TMEM132C: variants seen among roughly 807,000 people sequenced by gnomAD.
TMEM132C encodes protein phosphatase 1, regulatory subunit 152.
TMEM132C carries 29 observed loss-of-function variants against 61.4 expected under a neutral mutation model. That is an observed-to-expected ratio of 0.47 (90% CI 0.35 to 0.64). TMEM132C has a LOEUF of 0.64. TMEM132C is among the 30% of genes least tolerant of loss of function. The pLI is 0.00. For synonymous variants in TMEM132C, 656 were observed against 633.1 expected (o/e 1.04, Z -0.54); for missense variants, 1,408 against 1,476.9 (o/e 0.95, Z 0.76).
chr12:128,561,420 C>T (rs988187736), intron 3 of TMEM132C, among the ~76,000 whole-genome samples: 4 of 152,198 alleles, frequency 2.6e-5, no homozygotes, highest in Admixed American at 6.5e-5. Flanking sequence ...AGTCTTCACA[C>T]GCTGCCTTCT....
chr12:128,329,873 G>C (rs1261701692), intron 1 of TMEM132C, among the ~76,000 whole-genome samples: 1 of 152,188 alleles, frequency 6.6e-6, no homozygotes, highest in Admixed American at 6.5e-5. Context: ...CATTAAAGGT[G>C]CTGAGGTTCG....
intron 8 of TMEM132C, among the ~76,000 whole-genome samples, chr12:128,704,330 A>G (rs897969676): frequency 6.6e-6 from 1 of 152,172 alleles, no homozygotes; most frequent in African/African-American, 2.4e-5. Flanking sequence ...TGAGTCTGCA[A>G]AATAAACTCA....
chr12:128,465,677 C>T (rs967523860), intron 2 of TMEM132C, among the ~76,000 whole-genome samples: 2 of 152,238 alleles, frequency 1.3e-5, no homozygotes, highest in Admixed American at 6.5e-5. Flanking sequence ...CCTGCCCTCA[C>T]GAGCACTGGA....
intron 1 of TMEM132C, among the ~76,000 whole-genome samples, chr12:128,414,231 A>T (rs778852979): frequency 1.3e-5 from 2 of 152,170 alleles, no homozygotes; most frequent in Non-Finnish European, 2.9e-5. Context: ...TATTAAAAAA[A>T]ATATTATAAA....
At chr12:128,506,721 C>T (rs1872376358) in intron 2 of TMEM132C, among the ~76,000 whole-genome samples, 1 of 152,152 alleles carries the variant, frequency 6.6e-6, no homozygotes, top group Admixed American at 6.5e-5. Flanking sequence ...CCAGTGGCTC[C>T]CATGCTCCTG....
At chr12:128,418,934 C>T (rs947955412) in intron 2 of TMEM132C, among the ~76,000 whole-genome samples, 3 of 152,040 alleles carry the variant, frequency 2.0e-5, no homozygotes, top group Admixed American at 1.3e-4. Flanking sequence ...CAGAGAACTT[C>T]CTTCCTGTGC....
intron 2 of TMEM132C, among the ~76,000 whole-genome samples, chr12:128,445,048 CAATT>C (rs1478164903): frequency 3.3e-5 from 5 of 152,114 alleles, no homozygotes; most frequent in Non-Finnish European, 7.4e-5. Context: ...AAATAAAAAA[CAATT>C]AAGAGTTAAC....
intron 2 of TMEM132C, among the ~76,000 whole-genome samples, chr12:128,513,313 C>T (rs1422548231): frequency 6.6e-6 from 1 of 152,072 alleles, no homozygotes; most frequent in African/African-American, 2.4e-5. Context: ...CTCCTCCAGC[C>T]CCCAAGTATA....
intron 1 of TMEM132C, among the ~76,000 whole-genome samples, chr12:128,299,742 C>T (rs1871536589): frequency 6.6e-6 from 1 of 152,204 alleles, no homozygotes; most frequent in African/African-American, 2.4e-5. Context: ...AATCCTGCTG[C>T]CGAGGGTCTC....
rs545813970 is a variant in TMEM132C, at chr12:128,669,473, C to T, written c.1362C>T (p.Ile454=). Residue 454 remains isoleucine, a synonymous_variant, in exon 5 of 9, where the codon ATC becomes ATT. Coordinates refer to ENST00000435159, the MANE Select transcript of TMEM132C (RefSeq NM_001136103.3). ...CAGGAAAGACAGTTGCCATGCCTAT[C>T]AAGGTGGTCTCTGTGGAGGAGAACA... ...VLTGKTVAMP[I]KVVSVEENSA... is the part of the protein sequence containing the mutation. The T allele has an allele frequency of 1.9e-6, 3 of 1,551,568 alleles. No individual in the cohort carries two copies. The highest frequency in any genetic ancestry group is 1.2e-5 in the South Asian group (1 of 84,052).
chr12:128,267,515 C>A, intron 1 of TMEM132C, 28 bp downstream of exon 1: 1 of 1,232,646 alleles, frequency 8.1e-7, no homozygotes. Flanking sequence ...GCCTGGCGCG[C>A]CGACGCATGC....
intron 1 of TMEM132C, among the ~76,000 whole-genome samples, chr12:128,355,845 C>T (rs1475560772): frequency 6.6e-6 from 1 of 152,078 alleles, no homozygotes; most frequent in East Asian, 1.9e-4. Context: ...TACTTAAATG[C>T]CACGTGCTTA....
Position 128,317,251 on chromosome 12 carries a change from C to A in TMEM132C, c.85+49764C>A, listed in dbSNP as rs59552929. Among the ~76,000 whole-genome samples, 528 of 152,156 alleles carry A rather than the reference C, an allele frequency of 3.5e-3. 4 individuals carry two copies. The highest frequency in any genetic ancestry group is 0.012 in the African/African-American group (502 of 41,492). ...TAACTGATTTCTTTGAGGAACAAAG[C>A]CAAGAGCAACTGGGTTGCCATGTGG... On this transcript the variant is annotated intron_variant, in intron 1 of 8. Transcript: ENST00000435159.
At chr12:128,452,435 G>A (rs1478666251) in intron 2 of TMEM132C, among the ~76,000 whole-genome samples, 1 of 151,660 alleles carries the variant, frequency 6.6e-6, no homozygotes, top group Non-Finnish European at 1.5e-5. Flanking sequence ...TTAAGGCAAT[G>A]TGGGCTGGGC....
rs1039647167 is a variant in TMEM132C at position 128,630,964 on chromosome 12, G to A, written c.1305+14629G>A. Among the ~76,000 whole-genome samples, 6 of 152,210 alleles carry A rather than the reference G, an allele frequency of 3.9e-5. No individual in the cohort carries two copies. Among genetic ancestry groups the A allele is most frequent in the East Asian group, 3.9e-4 (2 of 5,182 alleles). On this transcript the variant is annotated intron_variant, in intron 4 of 8. Transcript: ENST00000435159. This position sits in a 1 kb window ranked among gnomAD's most constrained non-coding sequence, Gnocchi z 4.3. Reference sequence around the variant, plus strand: ...CGAGAATCGCTTGAACCTGGGAGGCGGAGGCTGCAATGAGCCGAGATCACG... The same window carrying A: ...CGAGAATCGCTTGAACCTGGGAGGCAGAGGCTGCAATGAGCCGAGATCACG...
At chr12:128,281,321 G>T (rs1870889847) in intron 1 of TMEM132C, among the ~76,000 whole-genome samples, 1 of 152,166 alleles carries the variant, frequency 6.6e-6, no homozygotes, top group East Asian at 1.9e-4. Flanking sequence ...GTTTCAACAA[G>T]TTAGGACCCC....
intron 4 of TMEM132C, among the ~76,000 whole-genome samples, chr12:128,623,026 C>T (rs2135588848): frequency 6.6e-6 from 1 of 152,176 alleles, no homozygotes; most frequent in Admixed American, 6.5e-5. Flanking sequence ...TTAAAAATGT[C>T]CCTCCCCTCC....
chr12:128,467,368 T>C (rs1423570809), intron 2 of TMEM132C, among the ~76,000 whole-genome samples: 1 of 152,194 alleles, frequency 6.6e-6, no homozygotes, highest in Non-Finnish European at 1.5e-5. Flanking sequence ...TCATGTCTTG[T>C]AGAGGGTGAG....
At chr12:128,334,842 C>T (rs953960540) in intron 1 of TMEM132C, among the ~76,000 whole-genome samples, 12 of 152,146 alleles carry the variant, frequency 7.9e-5, no homozygotes, top group Admixed American at 3.3e-4. Flanking sequence ...GTGATCTGCC[C>T]GCTTCAGCCT....
Sources: allele counts gnomAD v4.1 joint callset (sites outside exome capture counted in the v4.1 genomes callset), GRCh38; gene constraint gnomAD v4.1.1; non-coding constraint Gnocchi (gnomAD v3.1); transcripts MANE v1.5; gene names NCBI Gene and HGNC (gene_info 2026-07-23, HGNC 2026-07-21).